Variants in SGPP1 observed in about 807,000 individuals in gnomAD.
SGPP1 encodes the protein hSPP1.
Under a neutral mutation model 33.0 loss-of-function variants are expected in SGPP1, and 21 were observed. That is an observed-to-expected ratio of 0.64 (90% CI 0.45 to 0.92). The LOEUF (loss-of-function observed/expected upper bound fraction) is 0.92. Ranked by LOEUF, SGPP1 falls within the 40% of genes least tolerant of loss-of-function variation. The pLI, the probability that SGPP1 is intolerant of heterozygous loss-of-function variation, is 0.00. For missense variants in SGPP1, 543 were observed against 589.4 expected (o/e 0.92, Z 0.81); for synonymous variants, 239 against 241.2 (o/e 0.99, Z 0.08).
At chr14:63,715,022 C>A (rs545693981) in intron 1 of SGPP1, among the ~76,000 whole-genome samples, 4 of 150,128 alleles carry the variant, frequency 2.7e-5, no homozygotes, top group Non-Finnish European at 5.9e-5. Context: ...TGCTCCCAGC[C>A]GACCTTTTTT....
At chr14:63,691,076 T>C (rs1885085618) in intron 2 of SGPP1, among the ~76,000 whole-genome samples, 2 of 152,238 alleles carry the variant, frequency 1.3e-5, no homozygotes, top group South Asian at 2.1e-4. Flanking sequence ...TAGTCTCCTA[T>C]TGTACAATAG....
intron 1 of SGPP1, among the ~76,000 whole-genome samples, chr14:63,721,065 T>C (rs1014510381): frequency 3.3e-5 from 5 of 152,200 alleles, no homozygotes; most frequent in African/African-American, 1.2e-4. Flanking sequence ...GTATTTTTAA[T>C]AGACACGGGG....
At chr14:63,694,199 A>T (rs1885143146) in intron 2 of SGPP1, among the ~76,000 whole-genome samples, 1 of 152,124 alleles carries the variant, frequency 6.6e-6, no homozygotes, top group Non-Finnish European at 1.5e-5. Flanking sequence ...GCTTGAGTCC[A>T]GGAGGCAAAG....
At chr14:63,688,846 C>T (rs552186712) in intron 2 of SGPP1, among the ~76,000 whole-genome samples, 25 of 152,022 alleles carry the variant, frequency 1.6e-4, no homozygotes, top group Non-Finnish European at 2.4e-4. Flanking sequence ...CTCGGCCTCC[C>T]GAGTAGCTGG....
chr14:63,706,236 A>G (rs1595066803), intron 1 of SGPP1, among the ~76,000 whole-genome samples: 1 of 152,224 alleles, frequency 6.6e-6, no homozygotes, highest in Non-Finnish European at 1.5e-5. Flanking sequence ...GTAAACCTAT[A>G]CAGCCACAAC....
intron 1 of SGPP1, among the ~76,000 whole-genome samples, chr14:63,706,567 G>C (rs1433024825): frequency 6.6e-6 from 1 of 152,106 alleles, no homozygotes; most frequent in African/African-American, 2.4e-5. Flanking sequence ...CTGGCACATA[G>C]TGCGCAGTCA....
intron 1 of SGPP1, among the ~76,000 whole-genome samples, chr14:63,726,687 C>G (rs921501268): frequency 2.6e-5 from 4 of 152,164 alleles, no homozygotes; most frequent in Non-Finnish European, 4.4e-5. Flanking sequence ...AACCACACCC[C>G]TTAAAAACAG....
Position 63,723,718 on chromosome 14 carries a change from CA to C in SGPP1, c.684+3542del, listed in dbSNP as rs56362339. Among the ~76,000 whole-genome samples, 192 of 131,516 alleles carry C rather than the reference CA, an allele frequency of 1.5e-3. 1 individual carries two copies. Among genetic ancestry groups the C allele is most frequent in the Middle Eastern group, 4.0e-3 (1 of 250 alleles). The allele number at this position is 131,516 out of a possible 152,430, so 86.3% of individuals were successfully genotyped here. ...TGGGTGACAAAGAGAGATTTCGTCT[CA>C]AAAAAAAAAAAAATTCAAAGACTGG... On this transcript the variant is annotated intron_variant, in intron 1 of 2. Coordinates refer to ENST00000247225, the MANE Select transcript of SGPP1 (RefSeq NM_030791.4).
intron 1 of SGPP1, among the ~76,000 whole-genome samples, chr14:63,713,633 T>A (rs1370328570): frequency 1.3e-5 from 2 of 152,208 alleles, no homozygotes; most frequent in African/African-American, 4.8e-5. Flanking sequence ...ATCCTGGAAT[T>A]TGAAAGCCAA....
Position 63,727,248 on chromosome 14 carries a change from G to A in SGPP1, c.684+13C>T, listed in dbSNP as rs374725583. On this transcript the variant is annotated intron_variant, in intron 1 of 2. Transcript: ENST00000247225. Reference sequence around the variant, plus strand: ...AACTCCCCCAGGCTGAACAGGACGAGAAGGAACCCTACCTGCCAGCGGCCA... The same window carrying A: ...AACTCCCCCAGGCTGAACAGGACGAAAAGGAACCCTACCTGCCAGCGGCCA... 2.1e-5 allele frequency: 34 copies of A among 1,598,654 alleles called. No individual in the cohort carries two copies. The highest frequency in any genetic ancestry group is 2.6e-5 in the Non-Finnish European group (31 of 1,171,536).
rs4346121 is a variant in SGPP1, at chr14:63,705,611, C to A, written c.685-6953G>T. ...TGAGCCTGGGAGGTAAAGGTTCCCA[C>A]GAGCCAAGATCATGCCATTGCGTTC... On this transcript the variant is annotated intron_variant, in intron 1 of 2. Coordinates refer to ENST00000247225, the MANE Select transcript of SGPP1 (RefSeq NM_030791.4). 2.6e-5 allele frequency among the ~76,000 whole-genome samples: 4 copies of A among 151,648 alleles called. No individual in the cohort carries two copies. The South Asian group carries it at 6.3e-4, about 24-fold the overall frequency.
intron 2 of SGPP1, among the ~76,000 whole-genome samples, chr14:63,693,725 C>G (rs1189004532): frequency 1.3e-5 from 2 of 152,076 alleles, no homozygotes; most frequent in Admixed American, 6.6e-5. Flanking sequence ...GCAATCCTCC[C>G]ACCTTGACCT....
At position 63,698,554 on chromosome 14, in the gene SGPP1, C is replaced by T. The variant is rs778812803; in HGVS notation, c.774+15G>A. 2.8e-6 allele frequency: 4 copies of T among 1,417,146 alleles called. No individual in the cohort carries two copies. Among genetic ancestry groups the T allele is most frequent in the East Asian group, 2.3e-5 (1 of 42,570 alleles). The allele number at this position is 1,417,146 out of a possible 1,614,324, so 87.8% of individuals were successfully genotyped here. On this transcript the variant is annotated intron_variant, in intron 2 of 2. Transcript: ENST00000247225. ...CATAAAAAATAAAGTATTAAGAAGA[C>T]AACATTTTCCTTACCAGAATAGAGT...
chr14:63,718,989 TATATATATATATATATATATATA>T (rs1566536550), intron 1 of SGPP1, among the ~76,000 whole-genome samples: 12 of 17,884 alleles, frequency 6.7e-4, no homozygotes, highest in Non-Finnish European at 8.9e-4. Context: ...TATATATATA[TATATATATATATATATATATATA>T]TATTTTTTTT....
intron 1 of SGPP1, among the ~76,000 whole-genome samples, chr14:63,701,133 C>G (rs144669827): frequency 0.012 from 1,833 of 152,100 alleles, 50 homozygotes; most frequent in African/African-American, 0.042. Flanking sequence ...GGTGTGCCAC[C>G]ACATCCAGCT....
intron 1 of SGPP1, among the ~76,000 whole-genome samples, chr14:63,719,003 TATATATA>T (rs1566536695): frequency 5.6e-4 from 15 of 26,980 alleles, no homozygotes; most frequent in African/African-American, 1.0e-3. Context: ...TATATATATA[TATATATA>T]TATATTTTTT....
At position 63,686,429 on chromosome 14, in the gene SGPP1, A is replaced by G; in HGVS notation, c.1002T>C (p.His334=). 1 of 1,614,196 alleles carries G rather than the reference A, an allele frequency of 6.2e-7. No homozygotes were observed. Among genetic ancestry groups the G allele is most frequent in the Non-Finnish European group, 8.5e-7 (1 of 1,180,030 alleles). The change falls in exon 3 of 3, where the codon CAT becomes CAC. Residue 334 remains histidine, a synonymous_variant. Coordinates refer to ENST00000247225, the MANE Select transcript of SGPP1 (RefSeq NM_030791.4). ...GSGAGIACGS[H]VTYNMGLVLD... Reference sequence around the variant, plus strand: ...ATACTAGACCCATGTTATAAGTAACATGAGATCCACATGCAATTCCAGCAC... The same window carrying G: ...ATACTAGACCCATGTTATAAGTAACGTGAGATCCACATGCAATTCCAGCAC...
chr14:63,692,058 G>A (rs1885103221), intron 2 of SGPP1, among the ~76,000 whole-genome samples: 1 of 152,192 alleles, frequency 6.6e-6, no homozygotes, highest in Non-Finnish European at 1.5e-5. Context: ...TATAAGAGAA[G>A]CAGATGATAT....
intron 1 of SGPP1, among the ~76,000 whole-genome samples, chr14:63,726,293 T>C (rs1294123941): frequency 6.6e-6 from 1 of 152,156 alleles, no homozygotes; most frequent in Non-Finnish European, 1.5e-5. Context: ...TCTCCACAAT[T>C]ACGCACTTTA....
Sources: gnomAD v4.1 joint callset for allele counts (sites outside exome capture counted in the v4.1 genomes callset) on GRCh38, gnomAD v4.1.1 for gene constraint, MANE v1.5 for transcripts, NCBI Gene and HGNC (gene_info 2026-07-23, HGNC 2026-07-21) for gene names.